Variants in CRTAC1 observed in about 807,000 individuals in gnomAD.
CRTAC1 encodes the protein acidic secreted protein in cartilage.
A neutral mutation model predicts 67.8 loss-of-function variants in CRTAC1; 37 were observed. The ratio of observed to expected loss-of-function variants is 0.55; its 90% CI spans 0.42 to 0.72. The LOEUF is 0.72. CRTAC1 is among the 30% of genes least tolerant of loss of function. CRTAC1 has a pLI of 0.00. For synonymous variants in CRTAC1, 348 were observed against 371.0 expected (o/e 0.94, Z 0.71); for missense variants, 780 against 931.6 (o/e 0.84, Z 2.12).
chr10:97,938,787 A>C (rs902157625), intron 2 of CRTAC1, among the ~76,000 whole-genome samples: 6 of 152,204 alleles, frequency 3.9e-5, no homozygotes, highest in African/African-American at 1.4e-4. Flanking sequence ...TGGGCTGGTC[A>C]GTTCTCTCTA....
intron 2 of CRTAC1, among the ~76,000 whole-genome samples, chr10:97,944,976 A>G (rs150055634): frequency 2.0e-5 from 3 of 152,354 alleles, no homozygotes; most frequent in South Asian, 2.1e-4. Context: ...GGAGCAGAAG[A>G]ACCATCCAGA....
chr10:97,958,986 C>T (rs1162229089), intron 2 of CRTAC1, among the ~76,000 whole-genome samples: 8 of 152,170 alleles, frequency 5.3e-5, no homozygotes, highest in African/African-American at 9.7e-5. Context: ...GAAATCTGAG[C>T]GCTACCCGTT....
chr10:97,868,479 A>G (rs935605468), intron 14 of CRTAC1: 6 of 152,272 alleles, frequency 3.9e-5, no homozygotes, highest in African/African-American at 1.4e-4. Context: ...AGAGGGGCTC[A>G]TCAGACTGTG....
intron 2 of CRTAC1, among the ~76,000 whole-genome samples, chr10:97,978,069 A>G (rs2051835693): frequency 6.6e-6 from 1 of 152,210 alleles, no homozygotes; most frequent in Non-Finnish European, 1.5e-5. Context: ...ATCAAATCAC[A>G]GAAATAATCA....
Position 97,895,465 on chromosome 10 carries a change from G to A in CRTAC1, c.1318-52C>T. On this transcript the variant is annotated intron_variant, in intron 10 of 14. Transcript: ENST00000370597. This position sits in a 1 kb window ranked among gnomAD's most constrained non-coding sequence, Gnocchi z 4.2. ...CCGGTGGGCATCAGCATGGTGGGTG[G>A]GAAGAGCAGGGAGCCAGGGAGGACG... 1 of 1,505,538 alleles carries A rather than the reference G, an allele frequency of 6.6e-7. No homozygotes were observed. 93.3% of individuals were successfully genotyped at this position (1,505,538 alleles called of 1,614,324 possible).
At chr10:97,963,915 C>G (rs977343657) in intron 2 of CRTAC1, among the ~76,000 whole-genome samples, 2 of 152,202 alleles carry the variant, frequency 1.3e-5, no homozygotes, top group African/African-American at 2.4e-5. Flanking sequence ...AAGCAATGAG[C>G]TGGAGTTCAA....
intron 2 of CRTAC1, among the ~76,000 whole-genome samples, chr10:97,973,869 G>T (rs1175044748): frequency 6.6e-6 from 1 of 151,162 alleles, no homozygotes; most frequent in Non-Finnish European, 1.5e-5. Context: ...AGGCCCTAGG[G>T]GTTCATGAAC....
At chr10:97,934,285 G>C (rs909507113) in intron 3 of CRTAC1, among the ~76,000 whole-genome samples, 11 of 152,178 alleles carry the variant, frequency 7.2e-5, no homozygotes, top group Non-Finnish European at 1.6e-4. Context: ...TCCAATCTTG[G>C]CTTGGCTGGA....
chr10:98,002,548 C>T (rs899128547), intron 2 of CRTAC1, among the ~76,000 whole-genome samples: 3 of 152,020 alleles, frequency 2.0e-5, no homozygotes, highest in Non-Finnish European at 4.4e-5. Context: ...GGAATGCTTG[C>T]GTCTCTCTAG....
intron 2 of CRTAC1, among the ~76,000 whole-genome samples, chr10:98,005,987 G>T (rs1171558473): frequency 6.6e-6 from 1 of 152,178 alleles, no homozygotes; most frequent in African/African-American, 2.4e-5. Context: ...ATGTGTTACG[G>T]TTTTATCAAA....
chr10:97,898,150 C>A lies in CRTAC1; in HGVS notation c.1134-1159G>T, dbSNP rs919913335. ...AAGGAGTCCTAAGGATAACACCCAG[C>A]AATCAATTCCACTGTATTTCTGTGT... On this transcript the variant is annotated intron_variant, in intron 8 of 14. Transcript: ENST00000370597. 2.6e-5 allele frequency among the ~76,000 whole-genome samples: 4 copies of A among 152,240 alleles called. No homozygotes were observed. The East Asian group carries it at 5.8e-4, about 22-fold the overall frequency.
Position 97,895,543 on chromosome 10 carries a change from AG to A in CRTAC1, c.1318-131del, listed in dbSNP as rs2050445737. ...AGAGAAGAAAGCAGGCAGAGGAAAA[AG>A]ATAGAAACAGGAAGCCAAACAAGAA... is the stretch of plus-strand genomic sequence containing the variant. On this transcript the variant is annotated intron_variant, in intron 10 of 14. Coordinates refer to ENST00000370597, the MANE Select transcript of CRTAC1 (RefSeq NM_018058.7). This position sits in a 1 kb window ranked among gnomAD's most constrained non-coding sequence, Gnocchi z 4.2. 3 of 820,930 alleles carry A rather than the reference AG, an allele frequency of 3.7e-6. No individual in the cohort carries two copies. Among genetic ancestry groups the A allele is most frequent in the Non-Finnish European group, 5.6e-6 (3 of 532,084 alleles). 50.9% of individuals were successfully genotyped at this position (820,930 alleles called of 1,614,324 possible).
intron 2 of CRTAC1, among the ~76,000 whole-genome samples, chr10:97,977,490 A>G (rs2051826735): frequency 6.6e-6 from 1 of 151,730 alleles, no homozygotes; most frequent in African/African-American, 2.4e-5. Flanking sequence ...CTCTCTGGTA[A>G]CAGTGGCTAC....
intron 11 of CRTAC1, among the ~76,000 whole-genome samples, chr10:97,890,589 A>G (rs775995858): frequency 1.3e-5 from 2 of 151,986 alleles, no homozygotes; most frequent in Non-Finnish European, 2.9e-5. Flanking sequence ...GTGTTGGAAA[A>G]CTGCTCCTTG....
intron 2 of CRTAC1, among the ~76,000 whole-genome samples, chr10:98,007,361 A>C (rs1230898146): frequency 6.6e-6 from 1 of 152,234 alleles, no homozygotes; most frequent in Admixed American, 6.5e-5. Flanking sequence ...AGCCCAAAAA[A>C]GGAGACAGTG....
chr10:97,935,960 G>A (rs773076605), intron 3 of CRTAC1, among the ~76,000 whole-genome samples: 5 of 152,110 alleles, frequency 3.3e-5, no homozygotes, highest in East Asian at 1.9e-4. Context: ...CTCCAGGTTC[G>A]GGTTTCAGGA....
intron 2 of CRTAC1, among the ~76,000 whole-genome samples, chr10:98,010,734 T>C (rs1842889014): frequency 6.6e-6 from 1 of 152,218 alleles, no homozygotes; most frequent in Non-Finnish European, 1.5e-5. Context: ...GCTTTGAGCA[T>C]ACCCTTCTAC....
Position 98,029,888 on chromosome 10 carries a change from C to T in CRTAC1, c.24+561G>A, listed in dbSNP as rs755869339. Among the ~76,000 whole-genome samples, 26 of 152,146 alleles carry T rather than the reference C, an allele frequency of 1.7e-4. No individual in the cohort carries two copies. The highest frequency in any genetic ancestry group is 3.1e-4 in the Non-Finnish European group (21 of 68,012). ...AGCATAAGGCGGCTAGCAGCTACGC[C>T]GCGCGCGGGGCTGGCTCCCGGAGCT... On this transcript the variant is annotated intron_variant, in intron 1 of 14. Transcript: ENST00000370597. This position sits in a 1 kb window ranked among gnomAD's most constrained non-coding sequence, Gnocchi z 4.7.
chr10:97,966,300 G>A (rs1288226599), intron 2 of CRTAC1, among the ~76,000 whole-genome samples: 1 of 152,190 alleles, frequency 6.6e-6, no homozygotes, highest in Non-Finnish European at 1.5e-5. Context: ...AGTACAGACC[G>A]GGTTTTGCCA....
Sources: allele counts gnomAD v4.1 joint callset (sites outside exome capture counted in the v4.1 genomes callset), GRCh38; gene constraint gnomAD v4.1.1; non-coding constraint Gnocchi (gnomAD v3.1); transcripts MANE v1.5; gene names NCBI Gene and HGNC (gene_info 2026-07-23, HGNC 2026-07-21).